Variants in SEC23B observed in about 807,000 individuals in gnomAD.
SEC23B encodes the protein SEC23 homolog B, COPII component.
SEC23B carries 77 observed loss-of-function variants against 104.3 expected under a neutral mutation model. That is an observed-to-expected ratio of 0.74 (90% CI 0.61 to 0.89). The LOEUF is 0.89. SEC23B is among the 40% of genes least tolerant of loss of function. SEC23B has a pLI of 0.00. For missense variants in SEC23B, 885 were observed against 949.4 expected (o/e 0.93, Z 0.89); for synonymous variants, 338 against 332.5 (o/e 1.02, Z -0.18).
At chr20:18,518,536 T>C (rs996673463) in intron 4 of SEC23B, among the ~76,000 whole-genome samples, 7 of 149,148 alleles carry the variant, frequency 4.7e-5, no homozygotes, top group Non-Finnish European at 1.0e-4. Flanking sequence ...TGGAAGAGAT[T>C]ATGAAATGAC....
At chr20:18,515,310 AT>A (rs1177539986) in intron 3 of SEC23B, among the ~76,000 whole-genome samples, 1 of 151,724 alleles carries the variant, frequency 6.6e-6, no homozygotes, top group Non-Finnish European at 1.5e-5. Flanking sequence ...GGTCATTACC[AT>A]TTTTTTTCTT....
intron 19 of SEC23B, among the ~76,000 whole-genome samples, chr20:18,558,379 C>T (rs147124105): frequency 2.6e-5 from 4 of 152,266 alleles, no homozygotes; most frequent in South Asian, 4.1e-4. Context: ...GTAATTATGA[C>T]ATGTCTTGGC....
rs1285117150 is a variant in SEC23B at position 18,554,341 on chromosome 20, C to A, written c.2099C>A (p.Ala700Glu). The change falls in exon 18 of 20, where the codon GCA becomes GAA. Residue 700 changes from alanine to glutamate, a missense_variant. Physicochemically the swap from Ala to Glu is moderately radical, Grantham distance 107. Coordinates refer to ENST00000650089, the MANE Select transcript of SEC23B (RefSeq NM_006363.6). Reference protein sequence around the residue: ...PLDDAQEILQARFPMPRYINT... With the variant: ...PLDDAQEILQERFPMPRYINT... ...GATGATGCTCAAGAAATTCTGCAAG[C>A]ACGCTTCCCGATGCCACGTTACATC... The A allele has an allele frequency of 3.1e-6, 5 of 1,614,214 alleles. No individual in the cohort carries two copies. Among genetic ancestry groups the A allele is most frequent in the Non-Finnish European group, 4.2e-6 (5 of 1,180,048 alleles).
chr20:18,522,928 G>A (rs1210804744), intron 4 of SEC23B, among the ~76,000 whole-genome samples: 12 of 152,014 alleles, frequency 7.9e-5, no homozygotes, highest in Non-Finnish European at 5.9e-5. Flanking sequence ...TTAGCCGGGC[G>A]TGGTGGTGGG....
chr20:18,539,469 C>T (rs1600260494), intron 12 of SEC23B, among the ~76,000 whole-genome samples: 1 of 145,992 alleles, frequency 6.8e-6, no homozygotes, highest in African/African-American at 2.5e-5. Context: ...AAGATTGCGC[C>T]ACTGCACTCC....
At chr20:18,525,723 A>C in intron 6 of SEC23B, 65 bp from the exon 7 acceptor site, 1 of 1,536,754 alleles carries the variant, frequency 6.5e-7, no homozygotes, top group Non-Finnish European at 9.0e-7. Context: ...ATTATGTGGC[A>C]CCTAGTGTTG....
At chr20:18,523,964 T>C (rs1352023883) in intron 4 of SEC23B, among the ~76,000 whole-genome samples, 1 of 152,102 alleles carries the variant, frequency 6.6e-6, no homozygotes, top group African/African-American at 2.4e-5. Context: ...AATCCTCCCA[T>C]CTTAGCCTCC....
At chr20:18,516,558 T>G (rs1335226716) in intron 4 of SEC23B, among the ~76,000 whole-genome samples, 1 of 150,674 alleles carries the variant, frequency 6.6e-6, no homozygotes, top group Non-Finnish European at 1.5e-5. Flanking sequence ...TTTCTTTTTT[T>G]TTTTTTCTTC....
At position 18,543,102 on chromosome 20, in the gene SEC23B, G is replaced by C. The variant is rs143456757; in HGVS notation, c.1595G>C (p.Gly532Ala). The C allele has an allele frequency of 3.8e-4, 608 of 1,614,190 alleles. 3 individuals carry two copies. In the African/African-American group the frequency reaches 6.7e-3, roughly 18 times the overall value. The change falls in exon 14 of 20, where the codon GGG becomes GCG. Residue 532 changes from glycine (G) to alanine (A), a missense_variant. Transcript: ENST00000650089. ...EAAAVLMARL[G>A]VFRAESEEGP... is the part of the protein sequence containing the mutation. ...GCGGCAGTGTTGATGGCACGGCTTGGGGTGTTCCGAGCGGAGTCAGAGGAG... is the reference window on the plus strand; with the variant it reads ...GCGGCAGTGTTGATGGCACGGCTTGCGGTGTTCCGAGCGGAGTCAGAGGAG...
intron 3 of SEC23B, 137 bp downstream of exon 3, chr20:18,512,419 C>T (rs935715617): frequency 1.6e-6 from 1 of 620,408 alleles, no homozygotes; most frequent in African/African-American, 1.9e-5. Flanking sequence ...TTTTGTTAAG[C>T]ACAATATTGA....
At chr20:18,545,004 T>C (rs2060319859) in intron 14 of SEC23B, among the ~76,000 whole-genome samples, 1 of 133,428 alleles carries the variant, frequency 7.5e-6, no homozygotes, top group Admixed American at 7.7e-5. Context: ...TTTTCTCTTT[T>C]TTTAATGTAA....
intron 15 of SEC23B, among the ~76,000 whole-genome samples, chr20:18,546,338 A>G (rs1232182823): frequency 1.3e-5 from 2 of 152,228 alleles, no homozygotes; most frequent in South Asian, 2.1e-4. Flanking sequence ...GGAAACAGCT[A>G]CCTCAGCAAC....
intron 19 of SEC23B, 76 bp from the exon 20 acceptor site, chr20:18,560,575 G>A: frequency 9.0e-7 from 1 of 1,111,430 alleles, no homozygotes; most frequent in Non-Finnish European, 1.4e-6. Flanking sequence ...TGTTCTGAGG[G>A]AAGGTGCTTG....
At chr20:18,511,529 A>T (rs1300559308) in intron 2 of SEC23B, among the ~76,000 whole-genome samples, 1 of 150,598 alleles carries the variant, frequency 6.6e-6, no homozygotes, top group African/African-American at 2.4e-5. Flanking sequence ...TGTGCCTGAG[A>T]TAGTGACCTA....
chr20:18,532,595 T>C lies in SEC23B; in HGVS notation c.1234-69T>C, dbSNP rs1393623373. The C allele has an allele frequency of 2.8e-6, 3 of 1,077,224 alleles. No individual in the cohort carries two copies. In the East Asian group the frequency reaches 7.1e-5, roughly 25 times the overall value. The allele number at this position is 1,077,224 out of a possible 1,614,324, so 66.7% of individuals were successfully genotyped here. A position where few individuals can be genotyped will look rare whatever the true frequency, so the allele number is the denominator to read the frequency against. ...TTATATTTTCCCTCTAAGCTTTCAT[T>C]GTGGCCATGATGACAGCAGGGTGGA... On this transcript the variant is annotated intron_variant, in intron 10 of 19. Transcript: ENST00000650089.
rs139382464 is a variant in SEC23B at position 18,519,144 on chromosome 20, C to T, written c.366+3408C>T. Among the ~76,000 whole-genome samples the T allele has an allele frequency of 2.6e-3, 397 of 152,136 alleles. 1 individual carries two copies. Among genetic ancestry groups the T allele is most frequent in the African/African-American group, 9.2e-3 (382 of 41,482 alleles). ...GCCTGGTGGAACTGCCATCAATAAA[C>T]CAGGTGTGATCAGGGTGAGGAATAG... is the stretch of plus-strand genomic sequence containing the variant. On this transcript the variant is annotated intron_variant, in intron 4 of 19. Coordinates refer to ENST00000650089, the MANE Select transcript of SEC23B (RefSeq NM_006363.6).
intron 16 of SEC23B, 46 bp downstream of exon 16, chr20:18,548,816 CAT>C (rs764712722): frequency 5.7e-6 from 9 of 1,590,092 alleles, no homozygotes; most frequent in Middle Eastern, 1.7e-4. Flanking sequence ...AATCACCTAA[CAT>C]ATATTCTTTT....
chr20:18,540,831 G>A (rs922618954), intron 12 of SEC23B, among the ~76,000 whole-genome samples: 4 of 152,186 alleles, frequency 2.6e-5, no homozygotes, highest in Admixed American at 1.3e-4. Context: ...ACTCCAGCCT[G>A]GGTGACAGAG....
At chr20:18,550,092 TTATA>T (rs1433103956) in intron 16 of SEC23B, among the ~76,000 whole-genome samples, 1 of 148,262 alleles carries the variant, frequency 6.7e-6, no homozygotes, top group Non-Finnish European at 1.5e-5. Flanking sequence ...ATGTATATGA[TTATA>T]TATGTATATA....
Sources: gnomAD v4.1 joint callset for allele counts (sites outside exome capture counted in the v4.1 genomes callset) on GRCh38, gnomAD v4.1.1 for gene constraint, MANE v1.5 for transcripts, NCBI Gene and HGNC (gene_info 2026-07-23, HGNC 2026-07-21) for gene names.